RABEP1: variants seen among roughly 807,000 people sequenced by gnomAD.
The protein encoded by RABEP1 is rabaptin, RAB GTPase binding effector protein 1.
In RABEP1, 51 loss-of-function variants were observed where a neutral mutation model predicts 123.4. The ratio of observed to expected loss-of-function variants is 0.41; its 90% CI spans 0.33 to 0.52. RABEP1 has a LOEUF of 0.52. RABEP1 is among the 20% of genes least tolerant of loss of function. RABEP1 has a pLI of 0.16. For missense variants in RABEP1, 888 were observed against 996.3 expected, an observed-to-expected ratio of 0.89 and a Z score of 1.46; for synonymous variants, 347 against 355.2, an observed-to-expected ratio of 0.98 and a Z score of 0.26.
At chr17:5,341,926 G>C (rs1198549672) in intron 5 of RABEP1, among the ~76,000 whole-genome samples, 1 of 152,220 alleles carries the variant, frequency 6.6e-6, no homozygotes, top group Non-Finnish European at 1.5e-5. Context: ...ATAGTTAAGG[G>C]TGAATATTTA....
intron 4 of RABEP1, 113 bp downstream of exon 4, chr17:5,335,457 A>C: frequency 1.0e-6 from 1 of 957,482 alleles, no homozygotes; most frequent in Non-Finnish European, 1.5e-6. Context: ...TGTGAGAATA[A>C]TTATTTGGAC....
intron 15 of RABEP1, 161 bp downstream of exon 15, chr17:5,378,393 G>T: frequency 1.4e-6 from 1 of 710,456 alleles, no homozygotes; most frequent in Admixed American, 2.2e-5. Flanking sequence ...GTGTGCTGGT[G>T]ATTTATTGAG....
intron 6 of RABEP1, among the ~76,000 whole-genome samples, chr17:5,350,078 C>G (rs867701899): frequency 3.3e-5 from 5 of 152,022 alleles, no homozygotes; most frequent in African/African-American, 1.2e-4. Context: ...GAGCCCTGTG[C>G]TAAAGAAATT....
At chr17:5,378,464 C>G in intron 15 of RABEP1, 1 of 601,038 alleles carries the variant, frequency 1.7e-6, no homozygotes, top group South Asian at 1.8e-5. Flanking sequence ...GTGACTGTGG[C>G]CTGGAGTTTC....
At chr17:5,320,194 A>G (rs1278055682) in intron 2 of RABEP1, among the ~76,000 whole-genome samples, 2 of 152,156 alleles carry the variant, frequency 1.3e-5, no homozygotes, top group Non-Finnish European at 2.9e-5. Context: ...TCTTAGTACA[A>G]ACCATAAAGG....
chr17:5,358,917 T>C (rs1012394183), intron 8 of RABEP1, among the ~76,000 whole-genome samples: 2 of 151,780 alleles, frequency 1.3e-5, no homozygotes, highest in African/African-American at 4.8e-5. Flanking sequence ...TGTGGTACCA[T>C]GCCTGGCTAA....
Position 5,368,471 on chromosome 17 carries a change from A to G in RABEP1, c.1884+3A>G. 6.2e-7 allele frequency: 1 copy of G among 1,601,462 alleles called. No homozygotes were observed. Among genetic ancestry groups the G allele is most frequent in the Non-Finnish European group, 8.6e-7 (1 of 1,169,064 alleles). ...AGAGGGATGTTCAGGAACAGATGGT[A>G]AGTTTACATTTTAAGTAAATGACAA... On this transcript the variant is annotated splice_donor_region_variant and intron_variant, in intron 12 of 17. Transcript: ENST00000537505.
rs2074933975 is a variant in RABEP1, at chr17:5,282,458, C to T, written c.-29C>T. 5 of 1,347,416 alleles carry T rather than the reference C, an allele frequency of 3.7e-6. No homozygotes were observed. Among genetic ancestry groups the T allele is most frequent in the Non-Finnish European group, 4.8e-6 (5 of 1,041,204 alleles). The allele number at this position is 1,347,416 out of a possible 1,614,324, so 83.5% of individuals were successfully genotyped here. A position where few individuals can be genotyped will look rare whatever the true frequency, so the allele number is the denominator to read the frequency against. On this transcript the variant is annotated 5_prime_UTR_variant, in exon 1 of 18. Transcript: ENST00000537505. ...CCCAGGACGCCGCTTCCCCGCCCAT[C>T]CCCGCTCCCCGAGGCCGGCCGCCTG... is the stretch of plus-strand genomic sequence containing the variant.
chr17:5,306,283 A>C (rs2075178813), intron 1 of RABEP1, among the ~76,000 whole-genome samples: 1 of 152,154 alleles, frequency 6.6e-6, no homozygotes, highest in South Asian at 2.1e-4. Flanking sequence ...AGAAGGTTTA[A>C]TATTGTTGAA....
intron 5 of RABEP1, among the ~76,000 whole-genome samples, chr17:5,342,375 C>T (rs921017478): frequency 3.9e-5 from 6 of 152,142 alleles, no homozygotes; most frequent in Admixed American, 1.3e-4. Context: ...CAGTGGCTCA[C>T]GTCTGTAATC....
chr17:5,374,698 G>A (rs1348565845), intron 13 of RABEP1, among the ~76,000 whole-genome samples: 2 of 152,040 alleles, frequency 1.3e-5, no homozygotes, highest in African/African-American at 4.8e-5. Flanking sequence ...GGAGTGCAGT[G>A]GCGCAACCTA....
intron 1 of RABEP1, 115 bp downstream of exon 1, chr17:5,282,635 C>T (rs565247721): frequency 7.3e-6 from 5 of 681,634 alleles, no homozygotes; most frequent in South Asian, 6.5e-5. Context: ...CCGGGGGTGA[C>T]CCCGCCGGGC....
Position 5,350,270 on chromosome 17 carries a change from C to T in RABEP1, c.785-181C>T, listed in dbSNP as rs552382014. 5.9e-5 allele frequency among the ~76,000 whole-genome samples: 9 copies of T among 152,220 alleles called. No individual in the cohort carries two copies. The East Asian group carries it at 1.7e-3, about 29-fold the overall frequency. ...TGGCAGGCGCCTGTAGTCCCAGCTA[C>T]TCCGGAGGCTGAGGCAGGAGAATGG... On this transcript the variant is annotated intron_variant, in intron 6 of 17. Coordinates refer to ENST00000537505, the MANE Select transcript of RABEP1 (RefSeq NM_004703.6).
chr17:5,284,652 T>TA (rs141130272), intron 1 of RABEP1, among the ~76,000 whole-genome samples: 2,569 of 152,090 alleles, frequency 0.017, 34 homozygotes, highest in Middle Eastern at 0.051. Flanking sequence ...TTTTTGTAGA[T>TA]ACGGCGTTTT....
At chr17:5,299,743 T>TTTTTTTTTTTTTC (rs2075119110) in intron 1 of RABEP1, among the ~76,000 whole-genome samples, 1 of 133,284 alleles carries the variant, frequency 7.5e-6, no homozygotes, top group Non-Finnish European at 1.6e-5. Flanking sequence ...TTTTTTTTTT[T>TTTTTTTTTTTTTC]TTTTGGAGGC....
Position 5,343,900 on chromosome 17 carries a change from C to T in RABEP1, c.649-2890C>T, listed in dbSNP as rs574977260. ...CATGTTGGCCAGGCTGGTCTCGAAC[C>T]CCTGACCTCATGTGATCCACTCACC... On this transcript the variant is annotated intron_variant, in intron 5 of 17. Coordinates refer to ENST00000537505, the MANE Select transcript of RABEP1 (RefSeq NM_004703.6). Among the ~76,000 whole-genome samples the T allele has an allele frequency of 2.0e-5, 3 of 151,630 alleles. No homozygotes were observed. The East Asian group carries it at 5.9e-4, about 30-fold the overall frequency.
chr17:5,329,675 G>C (rs995561654), intron 2 of RABEP1, among the ~76,000 whole-genome samples: 9 of 151,876 alleles, frequency 5.9e-5, no homozygotes, highest in Non-Finnish European at 1.2e-4. Context: ...AGCAATAAAC[G>C]AATGTTAGAA....
chr17:5,339,321 C>T (rs1440807084), intron 5 of RABEP1, among the ~76,000 whole-genome samples: 1 of 152,144 alleles, frequency 6.6e-6, no homozygotes, highest in Non-Finnish European at 1.5e-5. Flanking sequence ...CTTGTAAGAG[C>T]TATGCCTAAA....
At chr17:5,358,261 A>C (rs1909197046) in intron 8 of RABEP1, among the ~76,000 whole-genome samples, 1 of 92,104 alleles carries the variant, frequency 1.1e-5, no homozygotes, top group African/African-American at 6.9e-5. Flanking sequence ...TTACTACTAT[A>C]CAATTTTTCG....
Sources: allele counts gnomAD v4.1 joint callset (sites outside exome capture counted in the v4.1 genomes callset), GRCh38; gene constraint gnomAD v4.1.1; transcripts MANE v1.5; gene names NCBI Gene and HGNC (gene_info 2026-07-23, HGNC 2026-07-21).